PPP6R3: variants seen among roughly 807,000 people sequenced by gnomAD.
The protein encoded by PPP6R3 is serine/threonine-protein phosphatase 6 regulatory subunit 3.
A neutral mutation model predicts 110.7 loss-of-function variants in PPP6R3; 38 were observed. The ratio of observed to expected loss-of-function variants is 0.34; its 90% CI spans 0.26 to 0.45. PPP6R3 has a LOEUF of 0.45. Ranked by LOEUF, PPP6R3 falls within the 20% of genes least tolerant of loss-of-function variation. The pLI, the probability that PPP6R3 is intolerant of heterozygous loss-of-function variation, is 1.00. For missense variants in PPP6R3, 870 were observed against 1,062.4 expected (o/e 0.82, Z 2.52); for synonymous variants, 369 against 373.5 (o/e 0.99, Z 0.14).
chr11:68,596,085 G>GT lies in PPP6R3; in HGVS notation c.1917-7dup, dbSNP rs1184564259. On this transcript the variant is annotated splice_polypyrimidine_tract_variant and intron_variant, in intron 18 of 23. Transcript: ENST00000393800. ...AAGCAGTGTTAAATACTTGGGTCTT[G>GT]TTTTTCCTTAGCTCGGGGAGTACAG... 1 of 1,614,136 alleles carries GT rather than the reference G, an allele frequency of 6.2e-7. No individual in the cohort carries two copies. The highest frequency in any genetic ancestry group is 8.5e-7 in the Non-Finnish European group (1 of 1,180,000).
At chr11:68,569,106 AT>A (rs1490992538) in intron 10 of PPP6R3, among the ~76,000 whole-genome samples, 1 of 152,174 alleles carries the variant, frequency 6.6e-6, no homozygotes. Flanking sequence ...CACGCTAACT[AT>A]TTGTGTTAGT....
chr11:68,499,038 G>T (rs558417177), intron 1 of PPP6R3, among the ~76,000 whole-genome samples: 37 of 152,256 alleles, frequency 2.4e-4, no homozygotes, highest in Non-Finnish European at 2.9e-5. Context: ...TTAATTTACA[G>T]TAGTGAGGTC....
chr11:68,542,387 C>CTTTTTTTTTTTTTT (rs1555132162), intron 3 of PPP6R3, among the ~76,000 whole-genome samples: 5 of 4,230 alleles, frequency 1.2e-3, no homozygotes, highest in African/African-American at 1.6e-3. Context: ...TGAGAAGCTG[C>CTTTTTTTTTTTTTT]TGTTTTTTTT....
At chr11:68,544,347 C>T (rs2099337286) in intron 3 of PPP6R3, among the ~76,000 whole-genome samples, 1 of 152,218 alleles carries the variant, frequency 6.6e-6, no homozygotes, top group Non-Finnish European at 1.5e-5. Flanking sequence ...GTACCATTTA[C>T]AACCCATCTA....
At chr11:68,575,578 C>T (rs185248247) in intron 13 of PPP6R3, among the ~76,000 whole-genome samples, 1 of 152,280 alleles carries the variant, frequency 6.6e-6, no homozygotes, top group Non-Finnish European at 1.5e-5. Flanking sequence ...CCCCTACCCC[C>T]GACACGTTAA....
At chr11:68,470,860 G>A (rs1008669481) in intron 1 of PPP6R3, among the ~76,000 whole-genome samples, 3 of 152,148 alleles carry the variant, frequency 2.0e-5, no homozygotes, top group Admixed American at 6.5e-5. Flanking sequence ...GAAGAACAGC[G>A]TGTGGAAGTA....
At chr11:68,545,553 G>C (rs2099346026) in intron 4 of PPP6R3, among the ~76,000 whole-genome samples, 1 of 151,902 alleles carries the variant, frequency 6.6e-6, no homozygotes, top group South Asian at 2.1e-4. Flanking sequence ...ATTTGCAGCT[G>C]TGCTGTTCCT....
chr11:68,490,289 T>TTAGATGTAATTCTTGCCTTTGC (rs1488523169), intron 1 of PPP6R3, among the ~76,000 whole-genome samples: 2 of 152,212 alleles, frequency 1.3e-5, no homozygotes, highest in Non-Finnish European at 2.9e-5. Context: ...TTCTAAGAAG[T>TTAGATGTAATTCTTGCCTTTGC]TAGATGTAAT....
intron 4 of PPP6R3, 62 bp from the exon 5 acceptor site, chr11:68,548,003 TAA>T (rs1265866383): frequency 2.0e-6 from 3 of 1,510,720 alleles, no homozygotes; most frequent in Admixed American, 4.1e-5. Flanking sequence ...GGTTGGGACT[TAA>T]AAGGTAAAGT....
rs17149158 is a variant in PPP6R3 at position 68,531,015 on chromosome 11, T to C, written c.-6-6644T>C. Among the ~76,000 whole-genome samples, 731 of 152,334 alleles carry C rather than the reference T, an allele frequency of 4.8e-3. 14 individuals are homozygous for C. The East Asian group carries it at 0.059, about 12-fold the overall frequency. ...GTCATGTTTATGGTATGGTATGTTCTGCCTCTGTCTTGTTGAATGAAAACC... is the reference window on the plus strand; with the variant it reads ...GTCATGTTTATGGTATGGTATGTTCCGCCTCTGTCTTGTTGAATGAAAACC... On this transcript the variant is annotated intron_variant, in intron 2 of 23. Transcript: ENST00000393800.
rs1566268542 is a variant in PPP6R3, at chr11:68,614,921, G to A, written c.*1804G>A. On this transcript the variant is annotated 3_prime_UTR_variant, in exon 24 of 24. Transcript: ENST00000393800. ...CCTGGTGGTGAGTTTTGCCAGCCATGGCCAGGGTTTGGCTCCACTGGTGGC... is the reference window on the plus strand; with the variant it reads ...CCTGGTGGTGAGTTTTGCCAGCCATAGCCAGGGTTTGGCTCCACTGGTGGC... 1 of 722,720 alleles carries A rather than the reference G, an allele frequency of 1.4e-6. No individual in the cohort carries two copies. The highest frequency in any genetic ancestry group is 2.4e-6 in the Non-Finnish European group (1 of 418,812). 44.8% of individuals were successfully genotyped at this position (722,720 alleles called of 1,614,324 possible).
chr11:68,570,900 G>T, intron 11 of PPP6R3, 140 bp from the exon 12 acceptor site: 2 of 1,037,062 alleles, frequency 1.9e-6, no homozygotes, highest in Non-Finnish European at 2.7e-6. Context: ...GTAGATTGAT[G>T]ATCACATTGC....
chr11:68,583,887 C>A (rs148720282), intron 15 of PPP6R3, among the ~76,000 whole-genome samples: 2 of 152,260 alleles, frequency 1.3e-5, no homozygotes, highest in African/African-American at 4.8e-5. Context: ...ACGGGGACAC[C>A]TTCCCACCCA....
At chr11:68,595,200 A>ATTTTTTTTTTTTT (rs71043443) in intron 18 of PPP6R3, among the ~76,000 whole-genome samples, 1 of 81,110 alleles carries the variant, frequency 1.2e-5, no homozygotes, top group Non-Finnish European at 2.6e-5. Context: ...CATAAAAATA[A>ATTTTTTTTTTTTT]TTTTTTTTTT....
intron 6 of PPP6R3, 21 bp downstream of exon 6, chr11:68,551,207 G>C: frequency 6.4e-7 from 1 of 1,562,878 alleles, no homozygotes; most frequent in Non-Finnish European, 8.7e-7. Flanking sequence ...TTGTGTGACT[G>C]TAAACTTGAT....
At chr11:68,472,262 C>T (rs2098797588) in intron 1 of PPP6R3, among the ~76,000 whole-genome samples, 2 of 152,178 alleles carry the variant, frequency 1.3e-5, no homozygotes. Flanking sequence ...GAGAGGTTTG[C>T]CCACATTGGT....
chr11:68,595,991 C>A (rs202032842), intron 18 of PPP6R3, 106 bp from the exon 19 acceptor site: 1 of 1,397,484 alleles, frequency 7.2e-7, no homozygotes, highest in Non-Finnish European at 9.9e-7. Flanking sequence ...TGTGATCCTG[C>A]TGAAGCACCA....
At chr11:68,545,386 T>C (rs1002016495) in intron 4 of PPP6R3, among the ~76,000 whole-genome samples, 5 of 152,198 alleles carry the variant, frequency 3.3e-5, no homozygotes, top group African/African-American at 7.2e-5. Flanking sequence ...GTTTTGTTTT[T>C]CCCCCATTGA....
At chr11:68,547,075 G>A (rs966548962) in intron 4 of PPP6R3, among the ~76,000 whole-genome samples, 1 of 152,172 alleles carries the variant, frequency 6.6e-6, no homozygotes. Flanking sequence ...AGCAGTTTTA[G>A]TTGTCATTTC....
Sources: allele counts gnomAD v4.1 joint callset (sites outside exome capture counted in the v4.1 genomes callset), GRCh38; gene constraint gnomAD v4.1.1; transcripts MANE v1.5; gene names NCBI Gene and HGNC (gene_info 2026-07-23, HGNC 2026-07-21).